Variants in PCDHGB3 observed in about 807,000 individuals in gnomAD.
PCDHGB3 encodes protocadherin gamma subfamily B, 3.
PCDHGB3 carries 40 observed loss-of-function variants against 59.2 expected under a neutral mutation model. That is an observed-to-expected ratio of 0.68 (90% confidence interval 0.52 to 0.88). The LOEUF is 0.88. PCDHGB3 is among the 40% of genes least tolerant of loss of function. The pLI is 0.00. For missense variants in PCDHGB3, 1,309 were observed against 1,187.9 expected, an observed-to-expected ratio of 1.10 and a Z score of -1.50; for synonymous variants, 581 against 503.6, an observed-to-expected ratio of 1.15 and a Z score of -2.06.
At chr5:141,422,110 T>A in intron 1 of PCDHGB3, 1 of 1,606,626 alleles carries the variant, frequency 6.2e-7, no homozygotes, top group South Asian at 1.1e-5. Flanking sequence ...AATATTCCAA[T>A]TGGATTCACA....
At chr5:141,413,054 A>T in intron 1 of PCDHGB3, 1 of 981,732 alleles carries the variant, frequency 1.0e-6, no homozygotes, top group Non-Finnish European at 1.5e-6. Context: ...AGGGAAGCTC[A>T]CTCCAGAATT....
chr5:141,490,561 A>G lies in PCDHGB3; in HGVS notation c.2416-4246A>G. On this transcript the variant is annotated intron_variant, in intron 1 of 3. Coordinates refer to ENST00000576222, the MANE Select transcript of PCDHGB3 (RefSeq NM_018924.5). This position sits in a 1 kb window ranked among gnomAD's most constrained non-coding sequence, Gnocchi z 5.4. Reference sequence around the variant, plus strand: ...TTCCCTACACAAACATCTCACCATCAGGCTCAACATTTCAGATGTCAATGA... The same window carrying G: ...TTCCCTACACAAACATCTCACCATCGGGCTCAACATTTCAGATGTCAATGA... 6.2e-7 allele frequency: 1 copy of G among 1,614,090 alleles called. No individual in the cohort carries two copies. The highest frequency in any genetic ancestry group is 8.5e-7 in the Non-Finnish European group (1 of 1,180,004).
intron 1 of PCDHGB3, chr5:141,405,047 G>C: frequency 1.2e-6 from 2 of 1,613,944 alleles, no homozygotes; most frequent in Non-Finnish European, 1.7e-6. Flanking sequence ...GGCTGTGGCA[G>C]TCGTCTCCTG....
intron 1 of PCDHGB3, among the ~76,000 whole-genome samples, chr5:141,438,655 T>G (rs1436221152): frequency 7.1e-6 from 1 of 140,042 alleles, no homozygotes; most frequent in East Asian, 2.1e-4. Flanking sequence ...CACACACATA[T>G]ATGTATATAT....
At chr5:141,438,633 TATACAC>T (rs1275936248) in intron 1 of PCDHGB3, among the ~76,000 whole-genome samples, 1,035 of 33,718 alleles carry the variant, frequency 0.031, 6 homozygotes, top group African/African-American at 0.063. Context: ...TATATATATA[TATACAC>T]ACACACACAC....
In PCDHGB3 at chr5:141,370,407, T is replaced by G; in HGVS notation, c.13T>G (p.Ser5Ala). The G allele has an allele frequency of 6.4e-7, 1 of 1,561,028 alleles. No individual in the cohort carries two copies. The highest frequency in any genetic ancestry group is 1.4e-5 in the African/African-American group (1 of 72,938). Residue 5 changes from serine (S) to alanine (A), a missense_variant, in exon 1 of 4, where the codon TCC (serine) becomes GCC (alanine). By Grantham distance (99) the Ser-to-Ala change is moderately conservative. Transcript: ENST00000576222. ...CGCAGAGAGCGGGATGGGAAATAGC[T>G]CCGGATGGAGGGGCCCAGCAGGGCA... is the stretch of plus-strand genomic sequence containing the variant. MGNSSGWRGPAGQRR... is the reference protein window; with the variant it reads MGNSAGWRGPAGQRR...
At chr5:141,399,742 A>G in intron 1 of PCDHGB3, 14 of 1,613,320 alleles carry the variant, frequency 8.7e-6, no homozygotes, top group Non-Finnish European at 1.2e-5. Flanking sequence ...GCCTGCGCTC[A>G]GCGCAAACGT....
In PCDHGB3 at chr5:141,372,217, T is replaced by C. The variant is rs1267940459; in HGVS notation, c.1823T>C (p.Ile608Thr). ...TACAACGCCTGGCTGTCCTACCACA[T>C]TGTGCAGGCCAGCGAGCCCGGGCTG... ...SGYNAWLSYH[I>T]VQASEPGLFS... Residue 608 changes from isoleucine to threonine, a missense_variant, in exon 1 of 4, where the codon ATT becomes ACT. Coordinates refer to ENST00000576222, the MANE Select transcript of PCDHGB3 (RefSeq NM_018924.5). 6.2e-7 allele frequency: 1 copy of C among 1,613,446 alleles called. No homozygotes were observed. Among genetic ancestry groups the C allele is most frequent in the African/African-American group, 1.3e-5 (1 of 74,932 alleles).
In PCDHGB3 at chr5:141,487,917, CTACAGTGCACAGGG is replaced by C; in HGVS notation, c.2416-6879_2416-6866del. On this transcript the variant is annotated intron_variant, in intron 1 of 3. Coordinates refer to ENST00000576222, the MANE Select transcript of PCDHGB3 (RefSeq NM_018924.5). The surrounding 1 kb of genome is among the most constrained non-coding windows in gnomAD (Gnocchi z 5.0). ...TGATGGAATGTGGGAGCACAGGAGG[CTACAGTGCACAGGG>C]TACAGTGCACCAGGCAGTCACTTGG... 1 of 647,994 alleles carries C rather than the reference CTACAGTGCACAGGG, an allele frequency of 1.5e-6. No homozygotes were observed. The highest frequency in any genetic ancestry group is 2.7e-6 in the Non-Finnish European group (1 of 377,182). 40.1% of individuals were successfully genotyped at this position (647,994 alleles called of 1,614,324 possible).
At chr5:141,497,465 G>A (rs189158903) in intron 2 of PCDHGB3, among the ~76,000 whole-genome samples, 1 of 152,024 alleles carries the variant, frequency 6.6e-6, no homozygotes, top group East Asian at 1.9e-4. Flanking sequence ...TTGGAGATAT[G>A]GAGGAGAAGG....
intron 1 of PCDHGB3, chr5:141,405,042 T>C (rs765018710): frequency 1.2e-6 from 2 of 1,613,144 alleles, no homozygotes; most frequent in South Asian, 1.1e-5. Flanking sequence ...GTTGTGGCTG[T>C]GGCAGTCGTC....
At chr5:141,492,560 G>T (rs2099742000) in intron 1 of PCDHGB3, among the ~76,000 whole-genome samples, 1 of 152,156 alleles carries the variant, frequency 6.6e-6, no homozygotes, top group Non-Finnish European at 1.5e-5. Context: ...CCTGGGGGGC[G>T]GCCTGAGCGA....
At chr5:141,399,564 G>C (rs1284243936) in intron 1 of PCDHGB3, 3 of 1,614,038 alleles carry the variant, frequency 1.9e-6, no homozygotes, top group East Asian at 4.5e-5. Flanking sequence ...ACTTGGGGTT[G>C]AACGGCCAAG....
chr5:141,451,330 T>C (rs1335156581), intron 1 of PCDHGB3, among the ~76,000 whole-genome samples: 2 of 152,200 alleles, frequency 1.3e-5, no homozygotes, highest in East Asian at 1.9e-4. Context: ...CCTAAGGCTA[T>C]TGTCTTATCT....
intron 1 of PCDHGB3, among the ~76,000 whole-genome samples, chr5:141,472,030 G>A (rs2099269943): frequency 6.6e-6 from 1 of 152,030 alleles, no homozygotes; most frequent in African/African-American, 2.4e-5. Flanking sequence ...TATGTAGAAA[G>A]CTGTGAAAAG....
chr5:141,413,850 C>G (rs2095685833), intron 1 of PCDHGB3: 3 of 1,613,244 alleles, frequency 1.9e-6, no homozygotes, highest in East Asian at 2.2e-5. Context: ...GTGACCCTCT[C>G]CGATCTGGCA....
chr5:141,398,752 C>G lies in PCDHGB3; in HGVS notation c.2415+25943C>G, dbSNP rs1196162576. On this transcript the variant is annotated intron_variant, in intron 1 of 3. Coordinates refer to ENST00000576222, the MANE Select transcript of PCDHGB3 (RefSeq NM_018924.5). ...AGACCGGGAACAACAGAGTTACCAT[C>G]GTTTAGTCCTGACTGCCTTGGACGG... is the stretch of plus-strand genomic sequence containing the variant. The G allele has an allele frequency of 7.4e-6, 12 of 1,613,482 alleles. No homozygotes were observed. In the South Asian group the frequency reaches 1.2e-4, roughly 16 times the overall value.
intron 1 of PCDHGB3, chr5:141,415,641 TA>T (rs113784532): frequency 0.022 from 22,367 of 1,034,442 alleles, 38 homozygotes; most frequent in Admixed American, 0.045. Context: ...TTACTTTTGT[TA>T]AAAAAAAAAA....
intron 1 of PCDHGB3, chr5:141,405,157 G>T: frequency 6.2e-7 from 1 of 1,614,072 alleles, no homozygotes. Context: ...TGGCTGGTGT[G>T]CCCACCTCAC....
Sources: allele counts gnomAD v4.1 joint callset (sites outside exome capture counted in the v4.1 genomes callset), GRCh38; gene constraint gnomAD v4.1.1; non-coding constraint Gnocchi (gnomAD v3.1); transcripts MANE v1.5; gene names NCBI Gene and HGNC (gene_info 2026-07-23, HGNC 2026-07-21).